Variants in CLTB observed in about 807,000 individuals in gnomAD.
The protein encoded by CLTB is clathrin light chain B.
In CLTB, 10 loss-of-function variants were observed where a neutral mutation model predicts 30.5. The ratio of observed to expected loss-of-function variants is 0.33; its 90% CI spans 0.20 to 0.56. The LOEUF (loss-of-function observed/expected upper bound fraction) is 0.56, where lower values mean the gene tolerates loss of function less well. Ranked by LOEUF, CLTB falls within the 20% of genes least tolerant of loss-of-function variation. The pLI is 0.91. For synonymous variants in CLTB, 102 were observed against 120.3 expected (o/e 0.85, Z 1.00); for missense variants, 261 against 308.3 (o/e 0.85, Z 1.15).
chr5:176,411,961 A>C (rs373204802), intron 1 of CLTB, among the ~76,000 whole-genome samples: 3 of 151,726 alleles, frequency 2.0e-5, no homozygotes, highest in Non-Finnish European at 2.9e-5. Flanking sequence ...CAGATCACGA[A>C]GTCAGGAGAT....
chr5:176,414,505 C>G (rs1013114157), intron 1 of CLTB, among the ~76,000 whole-genome samples: 5 of 150,520 alleles, frequency 3.3e-5, no homozygotes, highest in Non-Finnish European at 7.4e-5. Flanking sequence ...GATCACAGCA[C>G]ACGGCGACCT....
At chr5:176,402,224 G>T (rs2113650936) in intron 2 of CLTB, among the ~76,000 whole-genome samples, 1 of 152,262 alleles carries the variant, frequency 6.6e-6, no homozygotes, top group South Asian at 2.1e-4. Context: ...ATTGAACCCG[G>T]GAGATGGAGG....
intron 2 of CLTB, among the ~76,000 whole-genome samples, chr5:176,401,413 T>C (rs996647195): frequency 5.9e-5 from 9 of 152,208 alleles, no homozygotes; most frequent in Non-Finnish European, 1.2e-4. Context: ...TGAGCAAACA[T>C]GTACTGAGCC....
intron 2 of CLTB, chr5:176,405,489 C>CAAAAAAAAAA (rs988554368): frequency 1.9e-5 from 1 of 52,232 alleles, no homozygotes; most frequent in African/African-American, 8.7e-5. Context: ...CCCTGTCTCT[C>CAAAAAAAAAA]AAAAAAAAAA....
intron 2 of CLTB, among the ~76,000 whole-genome samples, chr5:176,400,003 C>T (rs1156568978): frequency 2.0e-5 from 3 of 152,038 alleles, no homozygotes; most frequent in Non-Finnish European, 4.4e-5. Context: ...ACCAGCCTGA[C>T]CAACATGGTG....
chr5:176,397,871 C>T, intron 3 of CLTB, 59 bp downstream of exon 3: 1 of 1,521,392 alleles, frequency 6.6e-7, no homozygotes, highest in Non-Finnish European at 9.1e-7. Context: ...CCGAGGACTC[C>T]CCACACTCCA....
intron 1 of CLTB, among the ~76,000 whole-genome samples, chr5:176,412,064 C>T (rs538217106): frequency 4.9e-4 from 74 of 151,576 alleles, no homozygotes; most frequent in East Asian, 4.3e-3. Flanking sequence ...TAGTCCCAGC[C>T]ACTCGGGAGG....
At chr5:176,410,936 C>G (rs1757396424) in intron 1 of CLTB, among the ~76,000 whole-genome samples, 1 of 152,202 alleles carries the variant, frequency 6.6e-6, no homozygotes, top group South Asian at 2.1e-4. Context: ...TGATTAGTCA[C>G]AAATTCCTGG....
In CLTB at chr5:176,392,651, G is replaced by T; in HGVS notation, c.*123C>A. 2 of 1,158,658 alleles carry T rather than the reference G, an allele frequency of 1.7e-6. No individual in the cohort carries two copies. The highest frequency in any genetic ancestry group is 2.5e-6 in the Non-Finnish European group (2 of 814,786). 71.8% of individuals were successfully genotyped at this position (1,158,658 alleles called of 1,614,324 possible). On this transcript the variant is annotated 3_prime_UTR_variant, in exon 6 of 6. Transcript: ENST00000310418. The surrounding 1 kb of genome is among the most constrained non-coding windows in gnomAD (Gnocchi z 5.2). ...GAGGGCCCCCCTCCCAGCGCCTGGA[G>T]ATGGGGAGGAGTGGAATAGGCTGTG...
chr5:176,396,666 T>C, intron 4 of CLTB, 134 bp from the exon 5 acceptor site: 1 of 738,840 alleles, frequency 1.4e-6, no homozygotes, highest in East Asian at 2.7e-5. Context: ...GGAAGCATAG[T>C]TCTGGAAGGC....
rs201998729 is a variant in CLTB, at chr5:176,392,878, C to T, written c.586G>A (p.Ala196Thr). 256 of 1,614,116 alleles carry T rather than the reference C, an allele frequency of 1.6e-4. No individual in the cohort carries two copies. The highest frequency in any genetic ancestry group is 3.4e-5 in the Non-Finnish European group (40 of 1,180,044). ...TTGGGGTTGAAGTCACATAGCTGGG[C>T]CACCTTCTCCCACTCTGTGCCTGGG... is the stretch of plus-strand genomic sequence containing the variant. ...ETPGTEWEKVAQLCDFNPKSS... is the reference protein window; with the variant it reads ...ETPGTEWEKVTQLCDFNPKSS... The change falls in exon 6 of 6, where the codon GCC becomes ACC. Residue 196 changes from alanine to threonine, a missense_variant. By Grantham distance (58) the Ala-to-Thr change is moderately conservative (BLOSUM62 0). This residue lies in a region of CLTB where 25 missense variants were observed against 48.8 expected (regional missense o/e 0.51). Transcript: ENST00000310418. This position sits in a 1 kb window ranked among gnomAD's most constrained non-coding sequence, Gnocchi z 5.2.
rs1281683023 is a variant in CLTB, at chr5:176,393,116, C to T, written c.519-171G>A. On this transcript the variant is annotated intron_variant, in intron 5 of 5. Coordinates refer to ENST00000310418, the MANE Select transcript of CLTB (RefSeq NM_007097.5). The surrounding 1 kb of genome is among the most constrained non-coding windows in gnomAD (Gnocchi z 4.4). ...GGCGCAGGAGGAAGCCTAGCTTGGTCCTGCCTCAGGACCTTGGCACTTGCT... is the reference window on the plus strand; with the variant it reads ...GGCGCAGGAGGAAGCCTAGCTTGGTTCTGCCTCAGGACCTTGGCACTTGCT... Among the ~76,000 whole-genome samples the T allele has an allele frequency of 6.6e-6, 1 of 152,158 alleles. No individual in the cohort carries two copies. Among genetic ancestry groups the T allele is most frequent in the Non-Finnish European group, 1.5e-5 (1 of 68,028 alleles).
At chr5:176,395,136 C>A (rs1257943145) in intron 5 of CLTB, among the ~76,000 whole-genome samples, 3 of 152,034 alleles carry the variant, frequency 2.0e-5, no homozygotes, top group African/African-American at 7.3e-5. Flanking sequence ...AGAGCTTCAG[C>A]CACTGCAGCC....
intron 2 of CLTB, among the ~76,000 whole-genome samples, chr5:176,404,659 G>A (rs183649524): frequency 3.3e-5 from 5 of 152,248 alleles, no homozygotes; most frequent in Admixed American, 2.6e-4. Flanking sequence ...CCACATCTCC[G>A]CCACCTGCCA....
intron 1 of CLTB, among the ~76,000 whole-genome samples, chr5:176,414,251 T>G (rs1307687387): frequency 6.6e-6 from 1 of 152,274 alleles, no homozygotes; most frequent in East Asian, 1.9e-4. Context: ...CAGTGAATAC[T>G]GGTGCATTAA....
chr5:176,416,322 A>C lies in CLTB; in HGVS notation c.42T>G (p.Gly14=), dbSNP rs145048156. ...DFGFFSSSES[G]APEAAEEDPA... ...GGTCCTCCTCCGCCGCCTCCGGGGC[A>C]CCGCTCTCCGACGACGAGAAGAAGC... Residue 14 remains glycine, a synonymous_variant, in exon 1 of 6, where the codon GGT becomes GGG. Transcript: ENST00000310418. 1,099 of 1,602,554 alleles carry C rather than the reference A, an allele frequency of 6.9e-4. 12 individuals are homozygous for C. In the African/African-American group the frequency reaches 0.014, roughly 20 times the overall value.
At chr5:176,399,360 T>C (rs923514267) in intron 2 of CLTB, among the ~76,000 whole-genome samples, 26 of 152,200 alleles carry the variant, frequency 1.7e-4, no homozygotes, top group Admixed American at 1.6e-3. Flanking sequence ...AGCCAGGCTG[T>C]CTCGGTTCAG....
intron 2 of CLTB, among the ~76,000 whole-genome samples, chr5:176,398,812 A>T (rs1262402491): frequency 6.6e-6 from 1 of 152,142 alleles, no homozygotes; most frequent in Non-Finnish European, 1.5e-5. Flanking sequence ...TGGTTGTATT[A>T]ACTCCTAACA....
chr5:176,402,129 C>T (rs2113650653), intron 2 of CLTB, among the ~76,000 whole-genome samples: 1 of 152,118 alleles, frequency 6.6e-6, no homozygotes, highest in East Asian at 1.9e-4. Flanking sequence ...GTGGTAAAAC[C>T]CCATCTCTAC....
Sources: allele counts gnomAD v4.1 joint callset (sites outside exome capture counted in the v4.1 genomes callset), GRCh38; gene constraint gnomAD v4.1.1; regional missense constraint gnomAD v4.1.1; non-coding constraint Gnocchi (gnomAD v3.1); transcripts MANE v1.5; gene names NCBI Gene and HGNC (gene_info 2026-07-23, HGNC 2026-07-21).